The following TLL1 variants were observed in gnomAD, a reference collection of about 807,000 sequenced individuals.
TLL1 encodes the protein tolloid-like protein 1.
Under a neutral mutation model 128.2 loss-of-function variants are expected in TLL1, and 49 were observed. The ratio of observed to expected loss-of-function variants is 0.38; its 90% CI spans 0.30 to 0.48. The LOEUF (loss-of-function observed/expected upper bound fraction) is 0.48, where lower values mean the gene tolerates loss of function less well. Ranked by LOEUF, TLL1 falls within the 20% of genes least tolerant of loss-of-function variation. The pLI is 0.96. For missense variants in TLL1, 1,123 were observed against 1,242.0 expected (o/e 0.90, Z 1.44); for synonymous variants, 454 against 418.8 (o/e 1.08, Z -1.03).
At chr4:166,045,219 C>G (rs1221679791) in intron 12 of TLL1, among the ~76,000 whole-genome samples, 3 of 152,124 alleles carry the variant, frequency 2.0e-5, no homozygotes, top group Non-Finnish European at 4.4e-5. Context: ...TTCTGCCTCC[C>G]TCATTTATAT....
intron 6 of TLL1, among the ~76,000 whole-genome samples, chr4:166,004,950 G>T (rs1225014297): frequency 7.7e-6 from 1 of 130,318 alleles, no homozygotes; most frequent in Admixed American, 7.4e-5. Context: ...GGGTGGTGGC[G>T]GGGGGGTGCC....
intron 9 of TLL1, chr4:166,030,650 T>A (rs1442947499): frequency 2.4e-5 from 20 of 832,534 alleles, no homozygotes; most frequent in Admixed American, 4.3e-5. Context: ...GTCTTATATG[T>A]AGGTTTTTAA....
intron 1 of TLL1, among the ~76,000 whole-genome samples, chr4:165,982,486 G>A (rs1392575741): frequency 1.3e-5 from 2 of 151,668 alleles, no homozygotes; most frequent in African/African-American, 2.4e-5. Context: ...AGTTTATTTC[G>A]CTGAGGCCAT....
chr4:165,969,519 A>C (rs1284116596), intron 1 of TLL1, among the ~76,000 whole-genome samples: 1 of 152,110 alleles, frequency 6.6e-6, no homozygotes, highest in African/African-American at 2.4e-5. Context: ...TTTATATTCG[A>C]ATGGGTTCCA....
chr4:165,875,581 G>A (rs2110799142), intron 1 of TLL1, among the ~76,000 whole-genome samples: 1 of 152,238 alleles, frequency 6.6e-6, no homozygotes, highest in African/African-American at 2.4e-5. Context: ...GGGCCACCCC[G>A]GATGGTTTGG....
At chr4:166,041,968 A>G in intron 10 of TLL1, 59 bp from the exon 11 acceptor site, 4 of 1,208,302 alleles carry the variant, frequency 3.3e-6, no homozygotes, top group Non-Finnish European at 4.9e-6. Context: ...TAGTACAAAA[A>G]GAACGTAGAA....
At chr4:165,967,464 A>G (rs1560778278) in intron 1 of TLL1, among the ~76,000 whole-genome samples, 3 of 152,256 alleles carry the variant, frequency 2.0e-5, no homozygotes, top group Non-Finnish European at 2.9e-5. Context: ...AGACAGGCAT[A>G]AGAAATTATA....
chr4:166,091,883 G>A (rs193029779), intron 19 of TLL1, among the ~76,000 whole-genome samples: 6 of 151,870 alleles, frequency 4.0e-5, no homozygotes, highest in South Asian at 2.1e-4. Context: ...TACAGATTTC[G>A]ACTAACTGCT....
At chr4:165,923,719 GC>G (rs1366102443) in intron 1 of TLL1, among the ~76,000 whole-genome samples, 1 of 152,130 alleles carries the variant, frequency 6.6e-6, no homozygotes, top group African/African-American at 2.4e-5. Context: ...ACAGGCGTGA[GC>G]CACTGCACCT....
intron 1 of TLL1, among the ~76,000 whole-genome samples, chr4:165,978,277 T>G (rs181743549): frequency 6.6e-6 from 1 of 152,094 alleles, no homozygotes; most frequent in East Asian, 1.9e-4. Flanking sequence ...GTTTCCAGGT[T>G]TTTTTTATTA....
rs191966716 is a variant in TLL1, at chr4:166,099,682, C to T, written c.2907+155C>T. 5.6e-4 allele frequency among the ~76,000 whole-genome samples: 84 copies of T among 149,592 alleles called. 1 individual carries two copies. The highest frequency in any genetic ancestry group is 1.5e-3 in the South Asian group (7 of 4,736). On this transcript the variant is annotated intron_variant, in intron 20 of 20. Coordinates refer to ENST00000061240, the MANE Select transcript of TLL1 (RefSeq NM_012464.5). ...ATAAATGGCTTGACAAAATATAACA[C>T]GTCTCTACCCTTATCACTTCTCCAC...
chr4:166,061,290 G>C (rs183185847), intron 15 of TLL1, among the ~76,000 whole-genome samples: 272 of 149,140 alleles, frequency 1.8e-3, no homozygotes, highest in African/African-American at 6.5e-3. Flanking sequence ...CTGTTGCCCA[G>C]GCTGGAGTGC....
chr4:165,974,387 G>A (rs574665281), intron 1 of TLL1, among the ~76,000 whole-genome samples: 4 of 130,612 alleles, frequency 3.1e-5, no homozygotes, highest in Non-Finnish European at 5.9e-5. Context: ...TGATCCGCCC[G>A]CCTCGGCCTC....
chr4:165,993,130 A>G (rs1736718861), intron 3 of TLL1, among the ~76,000 whole-genome samples: 1 of 151,994 alleles, frequency 6.6e-6, no homozygotes. Flanking sequence ...TCAGGTGTTT[A>G]TTTTATTATT....
At chr4:166,095,221 T>A (rs1006062014) in intron 19 of TLL1, among the ~76,000 whole-genome samples, 2 of 152,066 alleles carry the variant, frequency 1.3e-5, no homozygotes, top group Non-Finnish European at 2.9e-5. Context: ...TGATTAGAAA[T>A]GTTGTAATGT....
At chr4:165,906,150 C>T (rs944558866) in intron 1 of TLL1, among the ~76,000 whole-genome samples, 3 of 152,088 alleles carry the variant, frequency 2.0e-5, no homozygotes, top group Non-Finnish European at 4.4e-5. Context: ...GCTACAACAG[C>T]GTATTTGAGT....
intron 1 of TLL1, among the ~76,000 whole-genome samples, chr4:165,887,340 G>A (rs761813290): frequency 2.3e-4 from 35 of 152,076 alleles, no homozygotes; most frequent in South Asian, 8.3e-4. Flanking sequence ...CATTTGCACC[G>A]TGTCAGTAGC....
intron 1 of TLL1, among the ~76,000 whole-genome samples, chr4:165,971,930 T>C (rs567419485): frequency 6.6e-6 from 1 of 152,268 alleles, no homozygotes; most frequent in Admixed American, 6.5e-5. Context: ...CTGTTTTTTG[T>C]TGTTTATTTA....
chr4:166,050,302 C>T (rs975716398), intron 12 of TLL1, among the ~76,000 whole-genome samples: 1 of 152,080 alleles, frequency 6.6e-6, no homozygotes, highest in African/African-American at 2.4e-5. Flanking sequence ...GAATAATATT[C>T]CATTGTATGT....
Sources: gnomAD v4.1 joint callset for allele counts (sites outside exome capture counted in the v4.1 genomes callset) on GRCh38, gnomAD v4.1.1 for gene constraint, MANE v1.5 for transcripts, NCBI Gene and HGNC (gene_info 2026-07-23, HGNC 2026-07-21) for gene names.